The following CCL25 variants were observed in gnomAD, a reference collection of about 807,000 sequenced individuals.
CCL25 encodes the protein C-C motif chemokine 25.
Under a neutral mutation model 19.9 loss-of-function variants are expected in CCL25, and 14 were observed. The ratio of observed to expected loss-of-function variants is 0.70; its 90% CI spans 0.47 to 1.10. The LOEUF is 1.10. CCL25 is among the 50% of genes least tolerant of loss of function. CCL25 has a pLI of 0.00. For synonymous variants in CCL25, 68 were observed against 73.2 expected, an observed-to-expected ratio of 0.93 and a Z score of 0.36; for missense variants, 151 against 181.2, an observed-to-expected ratio of 0.83 and a Z score of 0.96.
At position 8,057,663 on chromosome 19, in the gene CCL25, C is replaced by T; in HGVS notation, c.326-138C>T. ...GCTCTTTTAATCAGGACACTTTCCA[C>T]TGGTACAGATGGAAAGCTCAAGCAC... On this transcript the variant is annotated intron_variant, in intron 4 of 5. Coordinates refer to ENST00000315626, the MANE Select transcript of CCL25 (RefSeq NM_005624.4). 3.8e-6 allele frequency: 5 copies of T among 1,320,644 alleles called. No homozygotes were observed. The South Asian group carries it at 4.6e-5, about 12-fold the overall frequency. The allele number at this position is 1,320,644 out of a possible 1,614,324, so 81.8% of individuals were successfully genotyped here.
rs532116891 is a variant in CCL25, at chr19:8,060,759, C to T, written c.446-1459C>T. 2.7e-3 allele frequency among the ~76,000 whole-genome samples: 410 copies of T among 151,824 alleles called. 1 individual carries two copies. The highest frequency in any genetic ancestry group is 9.5e-3 in the African/African-American group (392 of 41,406). On this transcript the variant is annotated intron_variant, in intron 5 of 5. Transcript: ENST00000315626. ...GCAGTGGCATGATCTCGGCTCACTGCAAGCTCTGCCTCCCGGGTTCACGCC... is the reference window on the plus strand; with the variant it reads ...GCAGTGGCATGATCTCGGCTCACTGTAAGCTCTGCCTCCCGGGTTCACGCC...
chr19:8,061,143 C>T (rs1181558964), intron 5 of CCL25, among the ~76,000 whole-genome samples: 1 of 151,880 alleles, frequency 6.6e-6, no homozygotes, highest in African/African-American at 2.4e-5. Context: ...CATGCACCAC[C>T]ACTGCCGACT....
chr19:8,060,067 CA>C (rs1176774229), intron 5 of CCL25, among the ~76,000 whole-genome samples: 4 of 150,554 alleles, frequency 2.7e-5, no homozygotes, highest in Non-Finnish European at 5.9e-5. Flanking sequence ...CCAGCCTGGG[CA>C]AAAGAGCGAG....
Position 8,056,233 on chromosome 19 carries a change from A to G in CCL25, c.155A>G (p.Gln52Arg). 1 of 1,448,574 alleles carries G rather than the reference A, an allele frequency of 6.9e-7. No individual in the cohort carries two copies. The highest frequency in any genetic ancestry group is 9.2e-7 in the Non-Finnish European group (1 of 1,090,256). 89.7% of individuals were successfully genotyped at this position (1,448,574 alleles called of 1,614,324 possible). Residue 52 changes from glutamine to arginine, a missense_variant, in exon 3 of 6, where the codon CAG becomes CGG. Physicochemically the swap from Gln to Arg is conservative, Grantham distance 43. Coordinates refer to ENST00000315626, the MANE Select transcript of CCL25 (RefSeq NM_005624.4). ...VLRRAWTYRIQEVSGSCNLPA... is the reference protein window; with the variant it reads ...VLRRAWTYRIREVSGSCNLPA... ...CGGCGCGCCTGGACTTACCGGATCC[A>G]GGAGGTGAGCGGGAGCTGCAATCTG...
At chr19:8,058,263 CA>C (rs1049918658) in intron 5 of CCL25, among the ~76,000 whole-genome samples, 1 of 139,656 alleles carries the variant, frequency 7.2e-6, no homozygotes, top group African/African-American at 2.6e-5. Flanking sequence ...TCTATATATA[CA>C]TATAAAATAT....
At chr19:8,053,170 C>T (rs543730010) in intron 2 of CCL25, 48 bp downstream of exon 2, 1 of 1,183,264 alleles carries the variant, frequency 8.5e-7, no homozygotes, top group East Asian at 2.6e-5. Flanking sequence ...CTCCCCATGC[C>T]CCCACCCCAC....
Position 8,053,169 on chromosome 19 carries a change from C to T in CCL25, c.73+47C>T, listed in dbSNP as rs776119236. 1.4e-5 allele frequency: 17 copies of T among 1,233,852 alleles called. No homozygotes were observed. In the South Asian group the frequency reaches 1.4e-4, roughly 10 times the overall value. 76.4% of individuals were successfully genotyped at this position (1,233,852 alleles called of 1,614,324 possible). Reference sequence around the variant, plus strand: ...ACCACCAAGTGCCCCTCTCCCCATGCCCCCACCCCACCCCTTTTGTCTCTT... The same window carrying T: ...ACCACCAAGTGCCCCTCTCCCCATGTCCCCACCCCACCCCTTTTGTCTCTT... On this transcript the variant is annotated intron_variant, in intron 2 of 5. Coordinates refer to ENST00000315626, the MANE Select transcript of CCL25 (RefSeq NM_005624.4).
chr19:8,059,111 TA>T (rs1437239005), intron 5 of CCL25, among the ~76,000 whole-genome samples: 2 of 117,940 alleles, frequency 1.7e-5, no homozygotes, highest in Non-Finnish European at 3.4e-5. Flanking sequence ...TATTTATATA[TA>T]ATATATAAAT....
chr19:8,058,671 T>A (rs1341301753), intron 5 of CCL25, among the ~76,000 whole-genome samples: 5 of 138,022 alleles, frequency 3.6e-5, no homozygotes, highest in Admixed American at 3.5e-4. Flanking sequence ...ATTATTATTT[T>A]TTTTTGAGAT....
chr19:8,056,546 C>A, intron 4 of CCL25, 47 bp downstream of exon 4: 1 of 1,608,714 alleles, frequency 6.2e-7, no homozygotes, highest in Non-Finnish European at 8.5e-7. Flanking sequence ...CCCTCCCTGC[C>A]TGCAAGCCCA....
chr19:8,062,166 T>A, intron 5 of CCL25, 52 bp from the exon 6 acceptor site: 10 of 1,598,522 alleles, frequency 6.3e-6, no homozygotes, highest in Non-Finnish European at 8.6e-6. Flanking sequence ...ATATAGTTAC[T>A]ATTATTTTAC....
Position 8,052,828 on chromosome 19 carries a change from T to G in CCL25, c.-51+6T>G. ...CCTTGACCCAGTGGATATCGGTGAG[T>G]CTTTTCCTTGAACATGACTGAGATG... On this transcript the variant is annotated splice_donor_region_variant and intron_variant, in intron 1 of 5. Transcript: ENST00000315626. 1 of 499,398 alleles carries G rather than the reference T, an allele frequency of 2.0e-6. No homozygotes were observed. Among genetic ancestry groups the G allele is most frequent in the Non-Finnish European group, 3.6e-6 (1 of 280,388 alleles). 30.9% of individuals were successfully genotyped at this position (499,398 alleles called of 1,614,324 possible).
chr19:8,060,496 A>G (rs1174784363), intron 5 of CCL25, among the ~76,000 whole-genome samples: 1 of 152,118 alleles, frequency 6.6e-6, no homozygotes, highest in African/African-American at 2.4e-5. Flanking sequence ...GGATATGGTC[A>G]CAAGACCCTG....
At chr19:8,056,302 G>GGGGCCCC in intron 3 of CCL25, 33 bp downstream of exon 3, 2 of 593,404 alleles carry the variant, frequency 3.4e-6, no homozygotes, top group Non-Finnish European at 3.2e-6. Flanking sequence ...GGGGGGTGGG[G>GGGGCCCC]TGCACACACA....
At chr19:8,052,976 T>C in intron 1 of CCL25, 24 bp from the exon 2 acceptor site, 1 of 1,064,194 alleles carries the variant, frequency 9.4e-7, no homozygotes, top group Non-Finnish European at 1.4e-6. Context: ...CCTCAGTCCT[T>C]ACCACTTCCC....
At position 8,052,993 on chromosome 19, in the gene CCL25, AC is replaced by A. The variant is rs1310352207; in HGVS notation, c.-50-3del. 29 of 1,282,958 alleles carry A rather than the reference AC, an allele frequency of 2.3e-5. No homozygotes were observed. Among genetic ancestry groups the A allele is most frequent in the Non-Finnish European group, 3.1e-5 (28 of 913,752 alleles). The allele number at this position is 1,282,958 out of a possible 1,614,324, so 79.5% of individuals were successfully genotyped here. A position where few individuals can be genotyped will look rare whatever the true frequency, so the allele number is the denominator to read the frequency against. ...TCAGTCCTTACCACTTCCCTCCACG[AC>A]CCCAGGTGGCCCCGTTATTCGTCCA... On this transcript the variant is annotated splice_polypyrimidine_tract_variant and splice_region_variant and intron_variant, in intron 1 of 5. Coordinates refer to ENST00000315626, the MANE Select transcript of CCL25 (RefSeq NM_005624.4).
intron 2 of CCL25, among the ~76,000 whole-genome samples, chr19:8,055,526 G>A (rs2081264513): frequency 1.3e-5 from 2 of 151,736 alleles, no homozygotes; most frequent in African/African-American, 2.4e-5. Context: ...AGTAGAGACG[G>A]GGTTTCACCG....
In CCL25 at chr19:8,053,078, TG is replaced by T; in HGVS notation, c.31del (p.Ala11ProfsTer44). On this transcript the variant is annotated frameshift_variant, in exon 2 of 6. Coordinates refer to ENST00000315626, the MANE Select transcript of CCL25 (RefSeq NM_005624.4). LOFTEE classifies it high-confidence loss of function. Reference protein sequence around the residue: MNLWLLACLVAGFLGAWAPA... With the variant: MNLWLLACLXAGFLGAWAPA... Reference sequence around the variant, plus strand: ...AACCTGTGGCTCCTGGCCTGCCTGGTGGCCGGCTTCCTGGGAGCCTGGGCCC... The same window carrying T: ...AACCTGTGGCTCCTGGCCTGCCTGGTGCCGGCTTCCTGGGAGCCTGGGCCC... 6.4e-7 allele frequency: 1 copy of T among 1,555,698 alleles called. No individual in the cohort carries two copies. Among genetic ancestry groups the T allele is most frequent in the Non-Finnish European group, 8.7e-7 (1 of 1,149,592 alleles).
At chr19:8,062,091 C>G (rs1022868708) in intron 5 of CCL25, 127 bp from the exon 6 acceptor site, 11 of 668,970 alleles carry the variant, frequency 1.6e-5, no homozygotes, top group Non-Finnish European at 2.6e-5. Flanking sequence ...GATTCTAGCA[C>G]TCCTATTACT....
Sources: allele counts gnomAD v4.1 joint callset (sites outside exome capture counted in the v4.1 genomes callset), GRCh38; gene constraint gnomAD v4.1.1; transcripts MANE v1.5; gene names NCBI Gene and HGNC (gene_info 2026-07-23, HGNC 2026-07-21).